The following DDX60L variants were observed in gnomAD, a reference collection of about 807,000 sequenced individuals.
DDX60L encodes the protein DExD/H-box 60 like.
DDX60L carries 191 observed loss-of-function variants against 211.6 expected under a neutral mutation model. That is an observed-to-expected ratio of 0.90 (90% CI 0.80 to 1.02). The LOEUF is 1.02. Among genes scored for constraint, DDX60L ranks in the 50% least tolerant of loss-of-function variants. DDX60L has a pLI of 0.00. For missense variants in DDX60L, 2,007 were observed against 1,984.1 expected (o/e 1.01, Z -0.22); for synonymous variants, 706 against 694.1 (o/e 1.02, Z -0.27).
chr4:168,368,893 C>T (rs1309627159), intron 36 of DDX60L, among the ~76,000 whole-genome samples: 2 of 152,212 alleles, frequency 1.3e-5, no homozygotes, highest in Non-Finnish European at 2.9e-5. Context: ...TTTGGAATGG[C>T]TGTATTTACC....
chr4:168,394,543 C>T lies in DDX60L; in HGVS notation c.3732G>A (p.Gly1244=). 1.9e-6 allele frequency: 3 copies of T among 1,613,572 alleles called. No individual in the cohort carries two copies. The highest frequency in any genetic ancestry group is 2.5e-6 in the Non-Finnish European group (3 of 1,179,564). The change falls in exon 28 of 38, where the codon GGG becomes GGA. Residue 1244 remains glycine, a synonymous_variant. Transcript: ENST00000682922. ...ACATGCTGCTGTGATGATATCCAAT[C>T]CCCCTTTGTGCTAAAGCCTTCAGTT... ...GKELKALAQR[G]IGYHHSSMYF... is the part of the protein sequence containing the mutation.
intron 28 of DDX60L, among the ~76,000 whole-genome samples, chr4:168,393,576 C>T (rs1443054972): frequency 2.6e-5 from 4 of 152,120 alleles, no homozygotes; most frequent in African/African-American, 9.7e-5. Context: ...ACTGTCCCCA[C>T]CTAGAAATAG....
At chr4:168,457,075 G>T (rs1013406331) in intron 6 of DDX60L, among the ~76,000 whole-genome samples, 2 of 151,754 alleles carry the variant, frequency 1.3e-5, no homozygotes, top group African/African-American at 4.8e-5. Context: ...AATTAGGCAG[G>T]CATGGTGGCA....
At chr4:168,425,086 G>C (rs1380722962) in intron 14 of DDX60L, among the ~76,000 whole-genome samples, 1 of 152,202 alleles carries the variant, frequency 6.6e-6, no homozygotes, top group Non-Finnish European at 1.5e-5. Context: ...CATGCACTAA[G>C]AACGGTACAA....
intron 12 of DDX60L, 61 bp downstream of exon 12, chr4:168,432,391 TTAA>T: frequency 1.4e-6 from 1 of 733,898 alleles, no homozygotes; most frequent in Non-Finnish European, 2.0e-6. Flanking sequence ...CTTTTCACTG[TTAA>T]TAAAAAGAGC....
At chr4:168,431,834 A>G (rs1397539988) in intron 12 of DDX60L, among the ~76,000 whole-genome samples, 1 of 152,164 alleles carries the variant, frequency 6.6e-6, no homozygotes, top group Non-Finnish European at 1.5e-5. Flanking sequence ...CTTAGGACCC[A>G]TTTTTAATTG....
At position 168,404,020 on chromosome 4, in the gene DDX60L, CT is replaced by C; in HGVS notation, c.3299del (p.Lys1100SerfsTer2). The C allele has an allele frequency of 6.6e-7, 1 of 1,504,406 alleles. No homozygotes were observed. The highest frequency in any genetic ancestry group is 1.4e-5 in the South Asian group (1 of 72,324). The allele number at this position is 1,504,406 out of a possible 1,614,324, so 93.2% of individuals were successfully genotyped here. On this transcript the variant is annotated frameshift_variant, in exon 25 of 38. Coordinates refer to ENST00000682922, the MANE Select transcript of DDX60L (RefSeq NM_001012967.3). LOFTEE classifies it high-confidence loss of function. ...CAGGCAACTTATCCATTTGTCTTAA[CT>C]TTTCAACAAGAAGAGGAAACATTTT... is the stretch of plus-strand genomic sequence containing the variant. ...MVKMFPLLVE[K>X]LRQMDKLPAI...
intron 22 of DDX60L, among the ~76,000 whole-genome samples, chr4:168,415,131 G>T (rs1050138824): frequency 4.6e-5 from 7 of 151,776 alleles, no homozygotes; most frequent in African/African-American, 1.7e-4. Flanking sequence ...TTGAGGTAGT[G>T]GATACATACC....
chr4:168,415,762 C>A lies in DDX60L; in HGVS notation c.2764G>T (p.Asp922Tyr). 1 of 1,584,918 alleles carries A rather than the reference C, an allele frequency of 6.3e-7. No individual in the cohort carries two copies. The highest frequency in any genetic ancestry group is 8.6e-7 in the Non-Finnish European group (1 of 1,164,342). ...QSVKQYWKQA[D>Y]KIMEEKCISE... The stretch of plus-strand genomic sequence containing the variant: ...ATACATTTCTCTTCCATAATCTTGT[C>A]TGCCTGTTTCCAGTACTGTTTTACT... The change falls in exon 21 of 38, where the codon GAC (aspartate) becomes TAC (tyrosine). Residue 922 changes from aspartate (D) to tyrosine (Y), a missense_variant. Asp to Tyr is a radical substitution (Grantham distance 160, BLOSUM62 -3). Transcript: ENST00000682922.
rs1747825948 is a variant in DDX60L, at chr4:168,406,817, G to A, written c.2980-111C>T. 4 of 784,798 alleles carry A rather than the reference G, an allele frequency of 5.1e-6. No homozygotes were observed. In the Admixed American group the frequency reaches 9.4e-5, roughly 18 times the overall value. 48.6% of individuals were successfully genotyped at this position (784,798 alleles called of 1,614,324 possible). ...CTCAAGTCTTTACCTGTGAATCCAGGGACATTAAAAGGCAATCAACTGTAA... is the reference window on the plus strand; with the variant it reads ...CTCAAGTCTTTACCTGTGAATCCAGAGACATTAAAAGGCAATCAACTGTAA... On this transcript the variant is annotated intron_variant, in intron 22 of 37. Coordinates refer to ENST00000682922, the MANE Select transcript of DDX60L (RefSeq NM_001012967.3).
chr4:168,430,821 G>T (rs1056569943), intron 12 of DDX60L, among the ~76,000 whole-genome samples, 183 bp from the exon 13 acceptor site: 3 of 152,120 alleles, frequency 2.0e-5, no homozygotes, highest in Non-Finnish European at 4.4e-5. Flanking sequence ...ACGAAGCTCT[G>T]CTAATGTCCG....
chr4:168,448,535 G>T (rs910490881), intron 9 of DDX60L, 103 bp downstream of exon 9: 3 of 852,492 alleles, frequency 3.5e-6, no homozygotes, highest in Non-Finnish European at 5.4e-6. Context: ...ACACACAAAG[G>T]TTTTCAAGAA....
intron 10 of DDX60L, 138 bp downstream of exon 10, chr4:168,441,199 A>T: frequency 1.3e-6 from 1 of 794,132 alleles, no homozygotes; most frequent in Non-Finnish European, 2.0e-6. Flanking sequence ...TATGTATTTT[A>T]AACCTCAATT....
chr4:168,474,113 T>A (rs1402852381), intron 1 of DDX60L, among the ~76,000 whole-genome samples: 2 of 152,096 alleles, frequency 1.3e-5, no homozygotes, highest in African/African-American at 4.8e-5. Flanking sequence ...GGAAAAACAT[T>A]AATAAAATTT....
In DDX60L at chr4:168,441,447, T is replaced by C. The variant is rs755172286; in HGVS notation, c.1184A>G (p.Asp395Gly). Residue 395 changes from aspartate to glycine, a missense_variant, in exon 10 of 38, where the codon GAC becomes GGC. Transcript: ENST00000682922. ...LGDSIRRDYE[D>G]LWNVVSHLVK... The stretch of plus-strand genomic sequence containing the variant: ...CAGGTGTGACACAACATTCCACAGG[T>C]CTTCATAATCCCTCCTAATGGAATC... 6.2e-7 allele frequency: 1 copy of C among 1,612,170 alleles called. No individual in the cohort carries two copies. The highest frequency in any genetic ancestry group is 8.5e-7 in the Non-Finnish European group (1 of 1,179,132).
chr4:168,405,345 A>C (rs1747559085), intron 24 of DDX60L, among the ~76,000 whole-genome samples: 1 of 152,148 alleles, frequency 6.6e-6, no homozygotes, highest in Non-Finnish European at 1.5e-5. Flanking sequence ...TTTCACCACC[A>C]GAGTGAAAAA....
chr4:168,382,714 T>C (rs963925295), intron 30 of DDX60L, among the ~76,000 whole-genome samples: 5 of 152,122 alleles, frequency 3.3e-5, no homozygotes, highest in African/African-American at 1.2e-4. Flanking sequence ...AAAAAATATA[T>C]AGACAGTCAA....
intron 26 of DDX60L, among the ~76,000 whole-genome samples, chr4:168,399,609 C>G (rs1265695943): frequency 1.3e-5 from 2 of 152,142 alleles, no homozygotes; most frequent in East Asian, 3.9e-4. Context: ...AACAGGTGAA[C>G]CTGGAACAAG....
At chr4:168,467,403 C>A (rs886417490) in intron 4 of DDX60L, among the ~76,000 whole-genome samples, 6 of 143,300 alleles carry the variant, frequency 4.2e-5, no homozygotes, top group Admixed American at 7.1e-5. Context: ...CAGAGTGAGA[C>A]CCTGTTTCAA....
Sources: allele counts gnomAD v4.1 joint callset (sites outside exome capture counted in the v4.1 genomes callset), GRCh38; gene constraint gnomAD v4.1.1; transcripts MANE v1.5; gene names NCBI Gene and HGNC (gene_info 2026-07-23, HGNC 2026-07-21).